The following SHROOM3 variants were observed in gnomAD, a reference collection of about 807,000 sequenced individuals.
SHROOM3 encodes the protein protein Shroom3.
A neutral mutation model predicts 138.6 loss-of-function variants in SHROOM3; 47 were observed. The ratio of observed to expected loss-of-function variants is 0.34; its 90% CI spans 0.27 to 0.43. The LOEUF is 0.43. Ranked by LOEUF, SHROOM3 falls within the 20% of genes least tolerant of loss-of-function variation. SHROOM3 has a pLI of 1.00. For synonymous variants in SHROOM3, 1,062 were observed against 1,063.3 expected (o/e 1.00, Z 0.02); for missense variants, 2,491 against 2,596.5 (o/e 0.96, Z 0.88).
intron 2 of SHROOM3, among the ~76,000 whole-genome samples, chr4:76,660,340 C>T (rs1484105229): frequency 6.6e-6 from 1 of 152,160 alleles, no homozygotes. Flanking sequence ...GGTCCCATAT[C>T]CCTCTATGAG....
chr4:76,513,801 G>A (rs750066783), intron 1 of SHROOM3, among the ~76,000 whole-genome samples: 2 of 152,204 alleles, frequency 1.3e-5, no homozygotes, highest in Non-Finnish European at 2.9e-5. Context: ...GAGGAATAGA[G>A]GGGGAGTCTG....
Position 76,726,541 on chromosome 4 carries a change from T to TAA in SHROOM3, c.456-4242_456-4241dup, listed in dbSNP as rs61455146. ...TCTCTCCACTCCCATCCCCTCCATC[T>TAA]AAAAAAAAAAAAAAAAAAAAAATTT... On this transcript the variant is annotated intron_variant, in intron 3 of 10. Coordinates refer to ENST00000296043, the MANE Select transcript of SHROOM3 (RefSeq NM_020859.4). 1.6e-3 allele frequency among the ~76,000 whole-genome samples: 149 copies of TAA among 90,816 alleles called. 8 individuals carry two copies. The highest frequency in any genetic ancestry group is 2.9e-3 in the Admixed American group (21 of 7,132). 59.6% of individuals were successfully genotyped at this position (90,816 alleles called of 152,430 possible). A position where few individuals can be genotyped will look rare whatever the true frequency, so the allele number is the denominator to read the frequency against.
intron 2 of SHROOM3, among the ~76,000 whole-genome samples, chr4:76,618,300 C>G (rs1240557146): frequency 6.6e-6 from 1 of 152,004 alleles, no homozygotes; most frequent in African/African-American, 2.4e-5. Context: ...GGGAGACTGT[C>G]TCTAAAAAAA....
chr4:76,650,519 A>ATATTTATTTATT (rs3045185), intron 2 of SHROOM3, among the ~76,000 whole-genome samples: 42 of 145,612 alleles, frequency 2.9e-4, no homozygotes, highest in Non-Finnish European at 4.9e-4. Context: ...TTTTTTAAGT[A>ATATTTATTTATT]TATTTATTTA....
chr4:76,565,808 T>C (rs575349429), intron 2 of SHROOM3, among the ~76,000 whole-genome samples: 17 of 152,152 alleles, frequency 1.1e-4, no homozygotes, highest in African/African-American at 3.1e-4. Context: ...TAGCCCTGTA[T>C]TGGAAACTTT....
At chr4:76,504,227 C>T (rs781396072) in intron 1 of SHROOM3, among the ~76,000 whole-genome samples, 17 of 152,022 alleles carry the variant, frequency 1.1e-4, no homozygotes, top group African/African-American at 3.4e-4. Context: ...GGCACGATCT[C>T]GGCTCACTGC....
chr4:76,681,823 AGGT>A lies in SHROOM3; in HGVS notation c.324-28332_324-28330del, dbSNP rs535534498. Among the ~76,000 whole-genome samples the A allele has an allele frequency of 3.6e-3, 545 of 152,178 alleles. 4 individuals are homozygous for A. Among genetic ancestry groups the A allele is most frequent in the African/African-American group, 0.012 (501 of 41,504 alleles). On this transcript the variant is annotated intron_variant, in intron 2 of 10. Transcript: ENST00000296043. ...ACTTTGGACTGGAAAGATTGGTGGA[AGGT>A]ATAACACTCTCTCCAGCCCAGGTGT...
In SHROOM3 at chr4:76,741,092, G is replaced by A. The variant is rs750296640; in HGVS notation, c.2919G>A (p.Ala973=). The A allele has an allele frequency of 3.0e-5, 46 of 1,544,772 alleles. No homozygotes were observed. In the Admixed American group the frequency reaches 5.0e-4, roughly 17 times the overall value. ...SAHVGLRSPE[A]SASASPHTPR... is the part of the protein sequence containing the mutation. The stretch of plus-strand genomic sequence containing the variant: ...ACGTGGGGCTGCGGAGCCCCGAGGC[G>A]TCGGCCTCCGCCTCCCCGCACACGC... The change falls in exon 5 of 11, where the codon GCG becomes GCA. Residue 973 remains alanine (A), a synonymous_variant. Coordinates refer to ENST00000296043, the MANE Select transcript of SHROOM3 (RefSeq NM_020859.4). The surrounding 1 kb of genome is among the most constrained non-coding windows in gnomAD (Gnocchi z 6.2).
At position 76,619,683 on chromosome 4, in the gene SHROOM3, A is replaced by G. The variant is rs376425556; in HGVS notation, c.323+63920A>G. ...AAGAGACAGAGCTGTAATGGTTTAGAGGAAAAGTGGTGAAGATTTGAATTA... is the reference window on the plus strand; with the variant it reads ...AAGAGACAGAGCTGTAATGGTTTAGGGGAAAAGTGGTGAAGATTTGAATTA... On this transcript the variant is annotated intron_variant, in intron 2 of 10. Coordinates refer to ENST00000296043, the MANE Select transcript of SHROOM3 (RefSeq NM_020859.4). Among the ~76,000 whole-genome samples, 3 of 152,332 alleles carry G rather than the reference A, an allele frequency of 2.0e-5. No individual in the cohort carries two copies. The East Asian group carries it at 5.8e-4, about 29-fold the overall frequency.
intron 2 of SHROOM3, among the ~76,000 whole-genome samples, chr4:76,591,578 G>A (rs1734273357): frequency 6.6e-6 from 1 of 150,490 alleles, no homozygotes; most frequent in Admixed American, 6.7e-5. Flanking sequence ...TTGATTGGTA[G>A]TGTGTATTGC....
intron 2 of SHROOM3, among the ~76,000 whole-genome samples, chr4:76,681,945 G>A (rs558904155): frequency 6.6e-6 from 1 of 152,200 alleles, no homozygotes; most frequent in East Asian, 1.9e-4. Context: ...TGGGACCAGG[G>A]CCCACATCCT....
At chr4:76,757,671 T>C (rs1252137439) in intron 8 of SHROOM3, among the ~76,000 whole-genome samples, 1 of 152,232 alleles carries the variant, frequency 6.6e-6, no homozygotes, top group Non-Finnish European at 1.5e-5. Flanking sequence ...CACTGTCTGG[T>C]TTGGCCCAGT....
intron 1 of SHROOM3, among the ~76,000 whole-genome samples, chr4:76,517,648 A>G (rs1732470945): frequency 6.8e-6 from 1 of 148,062 alleles, no homozygotes; most frequent in Admixed American, 6.8e-5. Context: ...TATAAAGGGG[A>G]TGTTAGGGCT....
intron 3 of SHROOM3, among the ~76,000 whole-genome samples, chr4:76,725,440 ATTTG>A (rs1418994160): frequency 1.2e-4 from 19 of 152,208 alleles, no homozygotes; most frequent in Non-Finnish European, 2.1e-4. Context: ...TCTCTTTAAA[ATTTG>A]TTTAATTTTT....
chr4:76,741,942 A>G lies in SHROOM3; in HGVS notation c.3753+16A>G, dbSNP rs763509112. The G allele has an allele frequency of 9.3e-6, 15 of 1,610,064 alleles. No individual in the cohort carries two copies. Among genetic ancestry groups the G allele is most frequent in the Non-Finnish European group, 1.2e-5 (14 of 1,179,120 alleles). On this transcript the variant is annotated intron_variant, in intron 5 of 10. Coordinates refer to ENST00000296043, the MANE Select transcript of SHROOM3 (RefSeq NM_020859.4). This position sits in a 1 kb window ranked among gnomAD's most constrained non-coding sequence, Gnocchi z 6.2. ...CAAGCGCCAGGTACGTGCAACCAGC[A>G]AGTCCTGGCCTCGAACTGTCCCTTC...
chr4:76,684,693 A>T (rs1271653366), intron 2 of SHROOM3, among the ~76,000 whole-genome samples: 1 of 152,238 alleles, frequency 6.6e-6, no homozygotes, highest in Non-Finnish European at 1.5e-5. Context: ...GCTGCCACAC[A>T]AAGAGACCTT....
intron 2 of SHROOM3, among the ~76,000 whole-genome samples, chr4:76,617,214 C>A (rs1229795252): frequency 6.6e-6 from 1 of 152,138 alleles, no homozygotes; most frequent in Non-Finnish European, 1.5e-5. Context: ...TCATTATCTG[C>A]AGAAATAGAG....
chr4:76,689,160 G>A (rs1316663919), intron 2 of SHROOM3, among the ~76,000 whole-genome samples: 1 of 152,140 alleles, frequency 6.6e-6, no homozygotes, highest in Non-Finnish European at 1.5e-5. Context: ...GAGGGACTGA[G>A]GGTGTGTGCT....
chr4:76,770,773 A>C lies in SHROOM3; in HGVS notation c.5497A>C (p.Lys1833Gln). Residue 1833 changes from lysine to glutamine, a missense_variant, in exon 10 of 11, where the codon AAG becomes CAG. Lys to Gln is a moderately conservative substitution (Grantham distance 53). Coordinates refer to ENST00000296043, the MANE Select transcript of SHROOM3 (RefSeq NM_020859.4). ...GCTCTGCAAGCCCAATGAGTTTGAC[A>C]AGTATAGGATGTTCATAGGGGATTT... is the stretch of plus-strand genomic sequence containing the variant. Reference protein sequence around the residue: ...SELCKPNEFDKYRMFIGDLDK... With the variant: ...SELCKPNEFDQYRMFIGDLDK... 1 of 1,614,178 alleles carries C rather than the reference A, an allele frequency of 6.2e-7. No individual in the cohort carries two copies. The highest frequency in any genetic ancestry group is 8.5e-7 in the Non-Finnish European group (1 of 1,180,032).
Sources: allele counts gnomAD v4.1 joint callset (sites outside exome capture counted in the v4.1 genomes callset), GRCh38; gene constraint gnomAD v4.1.1; non-coding constraint Gnocchi (gnomAD v3.1); transcripts MANE v1.5; gene names NCBI Gene and HGNC (gene_info 2026-07-23, HGNC 2026-07-21).